The following LDOC1 variants were observed in gnomAD, a reference collection of about 807,000 sequenced individuals.
LDOC1 encodes protein LDOC1.
In LDOC1, 1 loss-of-function variant was observed where a neutral mutation model predicts 4.9. The ratio of observed to expected loss-of-function variants is 0.20; its 90% CI spans 0.07 to 0.96. The LOEUF (loss-of-function observed/expected upper bound fraction) is 0.96. Among genes scored for constraint, LDOC1 ranks in the 40% least tolerant of loss-of-function variants. The probability of loss-of-function intolerance (pLI) is 0.62; values close to 1 mark genes in which losing one functional copy is unlikely to be tolerated. For synonymous variants in LDOC1, 55 were observed against 58.3 expected (o/e 0.94, Z 0.26); for missense variants, 76 against 128.1 (o/e 0.59, Z 1.96).
In LDOC1 at chrX:141,176,608, G is replaced by C; in HGVS notation, c.414C>G (p.Asp138Glu). Reference protein sequence around the residue: ...CFGWDDDEDDDDEEEEDDY With the variant: ...CFGWDDDEDDEDEEEEDDY ...AATAATCATCCTCCTCTTCTTCGTC[G>C]TCGTCGTCTTCGTCGTCATCCCAGC... The change falls in exon 1 of 1, where the codon GAC (aspartate) becomes GAG (glutamate). Residue 138 changes from aspartate (D) to glutamate (E), a missense_variant. Physicochemically the swap from Asp to Glu is conservative, Grantham distance 45 (BLOSUM62 2). Transcript: ENST00000370526. 8.3e-7 allele frequency: 1 copy of C among 1,210,217 alleles called. No homozygotes were observed. Among genetic ancestry groups the C allele is most frequent in the Non-Finnish European group, 1.1e-6 (1 of 894,392 alleles).
rs1285147676 is a variant in LDOC1 at position 141,175,181 on chromosome X, C to T, written c.*1400G>A. Among the ~76,000 whole-genome samples the T allele has an allele frequency of 1.8e-5, 2 of 111,948 alleles. No homozygotes were observed. The highest frequency in any genetic ancestry group is 6.5e-5 in the African/African-American group (2 of 30,771). On this transcript the variant is annotated 3_prime_UTR_variant, in exon 1 of 1. Transcript: ENST00000370526. Reference sequence around the variant, plus strand: ...TCTAAGGATGTCTGTCCAAGGAGAACGAAATGTTTGTTAAGATCAGGCTAT... The same window carrying T: ...TCTAAGGATGTCTGTCCAAGGAGAATGAAATGTTTGTTAAGATCAGGCTAT...
In LDOC1 at chrX:141,174,746, A is replaced by G. The variant is rs1457006974; in HGVS notation, c.*1835T>C. On this transcript the variant is annotated 3_prime_UTR_variant, in exon 1 of 1. Coordinates refer to ENST00000370526, the MANE Select transcript of LDOC1 (RefSeq NM_012317.4). ...ACTGAGGTTTACCAGTACAAATACAATATCTTGCCTCAAAAGGCCTTAAAC... is the reference window on the plus strand; with the variant it reads ...ACTGAGGTTTACCAGTACAAATACAGTATCTTGCCTCAAAAGGCCTTAAAC... Among the ~76,000 whole-genome samples the G allele has an allele frequency of 8.9e-6, 1 of 112,472 alleles. No homozygotes were observed. Among genetic ancestry groups the G allele is most frequent in the Non-Finnish European group, 1.9e-5 (1 of 53,330 alleles).
chrX:141,173,954 G>A lies in LDOC1; in HGVS notation c.*2627C>T, dbSNP rs2013593020. 8.9e-6 allele frequency among the ~76,000 whole-genome samples: 1 copy of A among 111,924 alleles called. No homozygotes were observed. The highest frequency in any genetic ancestry group is 1.9e-5 in the Non-Finnish European group (1 of 53,260). On this transcript the variant is annotated 3_prime_UTR_variant, in exon 1 of 1. Coordinates refer to ENST00000370526, the MANE Select transcript of LDOC1 (RefSeq NM_012317.4). Reference sequence around the variant, plus strand: ...AGACTGGACTCGCTATGAAGGCAGAGATCACATTTTATTCAAAGATGTTTC... The same window carrying A: ...AGACTGGACTCGCTATGAAGGCAGAAATCACATTTTATTCAAAGATGTTTC...
Position 141,174,035 on chromosome X carries a change from G to A in LDOC1, c.*2546C>T, listed in dbSNP as rs1438611360. Among the ~76,000 whole-genome samples the A allele has an allele frequency of 8.9e-6, 1 of 112,043 alleles. No individual in the cohort carries two copies. The highest frequency in any genetic ancestry group is 1.9e-5 in the Non-Finnish European group (1 of 53,250). On this transcript the variant is annotated 3_prime_UTR_variant, in exon 1 of 1. Coordinates refer to ENST00000370526, the MANE Select transcript of LDOC1 (RefSeq NM_012317.4). ...ATCAGTTTGGAATAAATGACTTTTG[G>A]TCTCACTGGATCCTTTACCTTTTAG...
Position 141,177,079 on chromosome X carries a change from G to A in LDOC1, c.-58C>T, listed in dbSNP as rs1346991130. The A allele has an allele frequency of 1.9e-6, 2 of 1,053,323 alleles. No individual in the cohort carries two copies. Among genetic ancestry groups the A allele is most frequent in the African/African-American group, 1.9e-5 (1 of 52,506 alleles). 86.8% of individuals were successfully genotyped at this position (1,053,323 alleles called of 1,213,427 possible). A position where few individuals can be genotyped will look rare whatever the true frequency, so the allele number is the denominator to read the frequency against. ...GGTTCGGCTCGGCCAAGGTGCGCAC[G>A]GAGCCCTCGCAGGAAGTGCGTGTCC... On this transcript the variant is annotated 5_prime_UTR_variant, in exon 1 of 1. Coordinates refer to ENST00000370526, the MANE Select transcript of LDOC1 (RefSeq NM_012317.4).
Position 141,176,252 on chromosome X carries a change from G to C in LDOC1, c.*329C>G. 2 of 316,344 alleles carry C rather than the reference G, an allele frequency of 6.3e-6. No individual in the cohort carries two copies. The highest frequency in any genetic ancestry group is 1.1e-5 in the Non-Finnish European group (2 of 178,354). The allele number at this position is 316,344 out of a possible 1,213,427, so 26.1% of individuals were successfully genotyped here. A position where few individuals can be genotyped will look rare whatever the true frequency, so the allele number is the denominator to read the frequency against. ...GGGCTACGGGTGGTCTGCGCAGTTT[G>C]TAACAGGGGCCTGGCCAATAGCTGG... On this transcript the variant is annotated 3_prime_UTR_variant, in exon 1 of 1. Transcript: ENST00000370526.
In LDOC1 at chrX:141,177,053, C is replaced by T; in HGVS notation, c.-32G>A. The T allele has an allele frequency of 8.5e-7, 1 of 1,172,005 alleles. No individual in the cohort carries two copies. The highest frequency in any genetic ancestry group is 1.1e-6 in the Non-Finnish European group (1 of 873,858). On this transcript the variant is annotated 5_prime_UTR_variant, in exon 1 of 1. Coordinates refer to ENST00000370526, the MANE Select transcript of LDOC1 (RefSeq NM_012317.4). ...CGGCCTGGAAGGACAGGACTCGGCT[C>T]GGTTCGGCTCGGCCAAGGTGCGCAC...
Position 141,177,127 on chromosome X carries a change from G to C in LDOC1, c.-106C>G. On this transcript the variant is annotated 5_prime_UTR_variant, in exon 1 of 1. Coordinates refer to ENST00000370526, the MANE Select transcript of LDOC1 (RefSeq NM_012317.4). ...TCCACGGAGGCGCTTGGTGGCCAGG[G>C]GCGGGGGGCGGGGGGCGGTGTGCGC... 4 of 347,782 alleles carry C rather than the reference G, an allele frequency of 1.2e-5. No individual in the cohort carries two copies. In the South Asian group the frequency reaches 1.6e-4, roughly 14 times the overall value. The allele number at this position is 347,782 out of a possible 1,213,427, so 28.7% of individuals were successfully genotyped here.
At position 141,176,763 on chromosome X, in the gene LDOC1, T is replaced by G; in HGVS notation, c.259A>C (p.Met87Leu). The change falls in exon 1 of 1, where the codon ATG (methionine) becomes CTG (leucine). Residue 87 changes from methionine to leucine, a missense_variant. Coordinates refer to ENST00000370526, the MANE Select transcript of LDOC1 (RefSeq NM_012317.4). ...AGGCTGATTAGGAATGCCACCTTCA[T>G]GGCGTCGTTGCAGAATCGGTTCTCG... ...VNENRFCNDA[M>L]KVAFLISLLT... 2 of 1,212,091 alleles carry G rather than the reference T, an allele frequency of 1.7e-6. No homozygotes were observed. The highest frequency in any genetic ancestry group is 4.6e-4 in the Middle Eastern group (2 of 4,356).
Position 141,174,958 on chromosome X carries a change from G to T in LDOC1, c.*1623C>A, listed in dbSNP as rs2013600897. ...GCTGCTCTGCATTAAACATTTCAAT[G>T]ACTTAACCTGGAGCAATGGCCTCAC... is the stretch of plus-strand genomic sequence containing the variant. On this transcript the variant is annotated 3_prime_UTR_variant, in exon 1 of 1. Transcript: ENST00000370526. Among the ~76,000 whole-genome samples the T allele has an allele frequency of 9.0e-6, 1 of 111,452 alleles. No homozygotes were observed. Among genetic ancestry groups the T allele is most frequent in the South Asian group, 3.8e-4 (1 of 2,615 alleles).
In LDOC1 at chrX:141,174,962, T is replaced by G. The variant is rs150588897; in HGVS notation, c.*1619A>C. 7.4e-3 allele frequency among the ~76,000 whole-genome samples: 826 copies of G among 111,472 alleles called. 11 individuals are homozygous for G. The highest frequency in any genetic ancestry group is 0.026 in the African/African-American group (795 of 30,702). On this transcript the variant is annotated 3_prime_UTR_variant, in exon 1 of 1. Coordinates refer to ENST00000370526, the MANE Select transcript of LDOC1 (RefSeq NM_012317.4). ...CTCTGCATTAAACATTTCAATGACTTAACCTGGAGCAATGGCCTCACACAG... is the reference window on the plus strand; with the variant it reads ...CTCTGCATTAAACATTTCAATGACTGAACCTGGAGCAATGGCCTCACACAG...
At position 141,175,228 on chromosome X, in the gene LDOC1, C is replaced by T. The variant is rs1556282963; in HGVS notation, c.*1353G>A. Among the ~76,000 whole-genome samples the T allele has an allele frequency of 9.0e-6, 1 of 111,716 alleles. No homozygotes were observed. Among genetic ancestry groups the T allele is most frequent in the African/African-American group, 3.3e-5 (1 of 30,685 alleles). On this transcript the variant is annotated 3_prime_UTR_variant, in exon 1 of 1. Transcript: ENST00000370526. Reference sequence around the variant, plus strand: ...CTATATCTTTATGGGTGCACTTGCCCAGGATCCGGGACTTAATGTTAGCTG... The same window carrying T: ...CTATATCTTTATGGGTGCACTTGCCTAGGATCCGGGACTTAATGTTAGCTG...
Position 141,176,580 on chromosome X carries a change from C to A in LDOC1, c.*1G>T. Reference sequence around the variant, plus strand: ...CCCCCCGAGGCCCGAGGGTCGAGGGCCTAATAATCATCCTCCTCTTCTTCG... The same window carrying A: ...CCCCCCGAGGCCCGAGGGTCGAGGGACTAATAATCATCCTCCTCTTCTTCG... On this transcript the variant is annotated 3_prime_UTR_variant, in exon 1 of 1. Transcript: ENST00000370526. 1 of 1,205,605 alleles carries A rather than the reference C, an allele frequency of 8.3e-7. No homozygotes were observed. The highest frequency in any genetic ancestry group is 1.1e-6 in the Non-Finnish European group (1 of 891,657).
chrX:141,175,566 G>T lies in LDOC1; in HGVS notation c.*1015C>A, dbSNP rs991842511. Reference sequence around the variant, plus strand: ...CCTTTGCCAGGGCTTTAAGAAATGCGTTGGTGAAGGGAGCATCAGAACCCT... The same window carrying T: ...CCTTTGCCAGGGCTTTAAGAAATGCTTTGGTGAAGGGAGCATCAGAACCCT... On this transcript the variant is annotated 3_prime_UTR_variant, in exon 1 of 1. Coordinates refer to ENST00000370526, the MANE Select transcript of LDOC1 (RefSeq NM_012317.4). Among the ~76,000 whole-genome samples, 1 of 111,771 alleles carries T rather than the reference G, an allele frequency of 8.9e-6. No individual in the cohort carries two copies. The highest frequency in any genetic ancestry group is 1.9e-5 in the Non-Finnish European group (1 of 53,224).
chrX:141,176,934 G>T lies in LDOC1; in HGVS notation c.88C>A (p.Leu30Met). The T allele has an allele frequency of 8.3e-7, 1 of 1,211,614 alleles. No homozygotes were observed. Among genetic ancestry groups the T allele is most frequent in the Non-Finnish European group, 1.1e-6 (1 of 895,363 alleles). Residue 30 changes from leucine to methionine, a missense_variant, in exon 1 of 1, where the codon CTG (leucine) becomes ATG (methionine). By Grantham distance (15) the Leu-to-Met change is conservative. Coordinates refer to ENST00000370526, the MANE Select transcript of LDOC1 (RefSeq NM_012317.4). The part of the protein sequence containing the change: ...SIENSQLMEQ[L>M]RLLVCERASL... ...GCCCTCTCGCACACCAGCAGCCGCA[G>T]CTGTTCCATGAGCTGGCTGTTCTCG... is the stretch of plus-strand genomic sequence containing the variant.
At position 141,174,630 on chromosome X, in the gene LDOC1, G is replaced by C. The variant is rs972006537; in HGVS notation, c.*1951C>G. ...TTTGCTGAGTGCTCACCATGTAGCA[G>C]GGAAAGTTCTAAATGCTTCATGGGT... On this transcript the variant is annotated 3_prime_UTR_variant, in exon 1 of 1. Transcript: ENST00000370526. Among the ~76,000 whole-genome samples, 5 of 111,799 alleles carry C rather than the reference G, an allele frequency of 4.5e-5. No individual in the cohort carries two copies. Among genetic ancestry groups the C allele is most frequent in the Non-Finnish European group, 9.4e-5 (5 of 53,194 alleles).
Position 141,176,724 on chromosome X carries a change from C to T in LDOC1, c.298G>A (p.Ala100Thr). Residue 100 changes from alanine (A) to threonine (T), a missense_variant, in exon 1 of 1, where the codon GCC becomes ACC. Physicochemically the swap from Ala to Thr is moderately conservative, Grantham distance 58 (BLOSUM62 0). Coordinates refer to ENST00000370526, the MANE Select transcript of LDOC1 (RefSeq NM_012317.4). ...ATGTAGGGCACCACCCACTCCTCGGCTTCCCCGGTGAGGAGGCTGATTAGG... is the reference window on the plus strand; with the variant it reads ...ATGTAGGGCACCACCCACTCCTCGGTTTCCCCGGTGAGGAGGCTGATTAGG... ...AFLISLLTGE[A>T]EEWVVPYIEM... 8.2e-7 allele frequency: 1 copy of T among 1,212,353 alleles called. No individual in the cohort carries two copies.
In LDOC1 at chrX:141,176,556, C is replaced by T. The variant is rs1556283437; in HGVS notation, c.*25G>A. ...GGGGTGGCGGCGTGCAGGGCCCTCC[C>T]CCCCGAGGCCCGAGGGTCGAGGGCC... On this transcript the variant is annotated 3_prime_UTR_variant, in exon 1 of 1. Transcript: ENST00000370526. 2 of 1,179,381 alleles carry T rather than the reference C, an allele frequency of 1.7e-6. No individual in the cohort carries two copies. Among genetic ancestry groups the T allele is most frequent in the Non-Finnish European group, 1.1e-6 (1 of 876,978 alleles).
Position 141,176,829 on chromosome X carries a change from G to A in LDOC1, c.193C>T (p.Pro65Ser), listed in dbSNP as rs782021993. 4.1e-6 allele frequency: 5 copies of A among 1,210,395 alleles called. No individual in the cohort carries two copies. Among genetic ancestry groups the A allele is most frequent in the South Asian group, 1.8e-5 (1 of 56,838 alleles). Residue 65 changes from proline to serine, a missense_variant, in exon 1 of 1, where the codon CCC becomes TCC. Physicochemically the swap from Pro to Ser is moderately conservative, Grantham distance 74. Coordinates refer to ENST00000370526, the MANE Select transcript of LDOC1 (RefSeq NM_012317.4). ...ETFNGESSRL[P>S]EFIVQTASYM... is the part of the protein sequence containing the mutation. ...GACGCCGTCTGCACGATAAACTCGG[G>A]GAGCCGGGAGCTCTCGCCATTAAAC...
Sources: gnomAD v4.1 joint callset for allele counts (sites outside exome capture counted in the v4.1 genomes callset) on GRCh38, gnomAD v4.1.1 for gene constraint, MANE v1.5 for transcripts, NCBI Gene and HGNC (gene_info 2026-07-23, HGNC 2026-07-21) for gene names.